FGF14: variants seen among roughly 807,000 people sequenced by gnomAD.
FGF14 encodes the protein fibroblast growth factor homologous factor 4.
In FGF14, 5 loss-of-function variants were observed where a neutral mutation model predicts 25.5. The ratio of observed to expected loss-of-function variants is 0.20; its 90% CI spans 0.10 to 0.41. The LOEUF is 0.41. Ranked by LOEUF, FGF14 falls within the 10% of genes least tolerant of loss-of-function variation. FGF14 has a pLI of 1.00. For synonymous variants in FGF14, 138 were observed against 118.3 expected (o/e 1.17, Z -1.08); for missense variants, 222 against 320.1 (o/e 0.69, Z 2.34).
chr13:102,168,111 C>G (rs1316829613), intron 1 of FGF14, among the ~76,000 whole-genome samples: 1 of 152,150 alleles, frequency 6.6e-6, no homozygotes, highest in Non-Finnish European at 1.5e-5. Flanking sequence ...ATTCCTTAAA[C>G]CTTCACTACT....
At chr13:102,256,843 T>C (rs898360615) in intron 1 of FGF14, among the ~76,000 whole-genome samples, 1 of 152,246 alleles carries the variant, frequency 6.6e-6, no homozygotes, top group Admixed American at 6.5e-5. Context: ...TTATATGTTA[T>C]GCAATATCAG....
rs570186617 is a variant in FGF14 at position 101,726,362 on chromosome 13, G to C, written c.607+250C>G. 3.3e-5 allele frequency among the ~76,000 whole-genome samples: 5 copies of C among 152,034 alleles called. No individual in the cohort carries two copies. The East Asian group carries it at 9.7e-4, about 29-fold the overall frequency. On this transcript the variant is annotated intron_variant, in intron 4 of 4. Transcript: ENST00000376143. ...AGAGTGGTTGTAGCAGTGAGGATTT[G>C]AGCCTTTGGAGGTGGCAGAGAAGAA...
At chr13:101,882,502 T>C (rs1241692278) in intron 1 of FGF14, among the ~76,000 whole-genome samples, 1 of 151,720 alleles carries the variant, frequency 6.6e-6, no homozygotes, top group Non-Finnish European at 1.5e-5. Flanking sequence ...TTCAGATAAA[T>C]AGTAGAGCAG....
chr13:101,715,503 C>A lies in FGF14; in HGVS notation c.*7328G>T. 1 of 1,095,888 alleles carries A rather than the reference C, an allele frequency of 9.1e-7. No individual in the cohort carries two copies. Among genetic ancestry groups the A allele is most frequent in the South Asian group, 1.3e-5 (1 of 79,710 alleles). The allele number at this position is 1,095,888 out of a possible 1,614,324, so 67.9% of individuals were successfully genotyped here. On this transcript the variant is annotated 3_prime_UTR_variant, in exon 5 of 5. Coordinates refer to ENST00000376143, the MANE Select transcript of FGF14 (RefSeq NM_004115.4). ...TGTGGACACTTGTGATTTATAATAG[C>A]ATGTTTAAATTTGGCACATTTTGAT...
chr13:101,865,498 A>G (rs1301199416), intron 3 of FGF14, among the ~76,000 whole-genome samples: 6 of 152,094 alleles, frequency 3.9e-5, no homozygotes, highest in African/African-American at 1.4e-4. Context: ...ATCAAGTACC[A>G]TATTGCAATC....
In FGF14 at chr13:101,940,457, C is replaced by T. The variant is rs2035374905; in HGVS notation, c.209-65161G>A. 1.3e-5 allele frequency among the ~76,000 whole-genome samples: 2 copies of T among 152,176 alleles called. 1 individual carries two copies. Among genetic ancestry groups the T allele is most frequent in the Non-Finnish European group, 2.9e-5 (2 of 68,038 alleles). On this transcript the variant is annotated intron_variant, in intron 1 of 4. Transcript: ENST00000376131. ...GAAAGAGTACAGGCAGAGAGGGTGG[C>T]CTACTTTCCATTCTTCAAACATGAA...
At chr13:101,844,928 C>T (rs570247373) in intron 3 of FGF14, among the ~76,000 whole-genome samples, 32 of 152,054 alleles carry the variant, frequency 2.1e-4, no homozygotes, top group African/African-American at 6.5e-4. Flanking sequence ...TTTACAGGGA[C>T]GGGTTTAAGT....
At chr13:101,772,373 C>T (rs1341872526) in intron 3 of FGF14, among the ~76,000 whole-genome samples, 1 of 151,928 alleles carries the variant, frequency 6.6e-6, no homozygotes, top group Admixed American at 6.6e-5. Flanking sequence ...TTGCAACATG[C>T]CTTTACATAG....
At chr13:101,985,612 TAA>T (rs776788032) in intron 1 of FGF14, among the ~76,000 whole-genome samples, 104 of 152,194 alleles carry the variant, frequency 6.8e-4, no homozygotes, top group African/African-American at 1.6e-3. Flanking sequence ...TTCTTTGTTG[TAA>T]AAAAGAGTCT....
In FGF14 at chr13:102,124,018, T is replaced by C. The variant is rs2045846230; in HGVS notation, c.209-248722A>G. On this transcript the variant is annotated intron_variant, in intron 1 of 4. Transcript: ENST00000376131. Reference sequence around the variant, plus strand: ...TAAAAGATTTTCTCCAGCCTTACTCTCCAACATCCAGAGTAACAACAGAAC... The same window carrying C: ...TAAAAGATTTTCTCCAGCCTTACTCCCCAACATCCAGAGTAACAACAGAAC... Among the ~76,000 whole-genome samples the C allele has an allele frequency of 4.6e-5, 7 of 152,028 alleles. No individual in the cohort carries two copies. In the South Asian group the frequency reaches 1.5e-3, roughly 32 times the overall value.
chr13:102,305,021 C>G (rs1566921525), intron 1 of FGF14, among the ~76,000 whole-genome samples: 1 of 152,134 alleles, frequency 6.6e-6, no homozygotes, highest in Non-Finnish European at 1.5e-5. Context: ...ATAACTAAAA[C>G]AGTGTGCATA....
rs1324444043 is a variant in FGF14, at chr13:101,788,901, TATATATATAGAGAGAGAGAGAGAGAG to T, written c.409-62117_409-62092del. Reference sequence around the variant, plus strand: ...ATATATATATATATATATATATATATATATATATAGAGAGAGAGAGAGAGAGAGAGAGAGAGAGAGAGAGAGACAGA... The same window carrying T: ...ATATATATATATATATATATATATATAGAGAGAGAGAGAGAGAGAGACAGA... On this transcript the variant is annotated intron_variant, in intron 3 of 4. Coordinates refer to ENST00000376143, the MANE Select transcript of FGF14 (RefSeq NM_004115.4). Among the ~76,000 whole-genome samples the T allele has an allele frequency of 3.4e-4, 14 of 41,350 alleles. No individual in the cohort carries two copies. In the Admixed American group the frequency reaches 4.8e-3, roughly 14 times the overall value. 27.1% of individuals were successfully genotyped at this position (41,350 alleles called of 152,430 possible).
At chr13:102,348,293 G>A (rs1344264946) in intron 1 of FGF14, among the ~76,000 whole-genome samples, 1 of 152,098 alleles carries the variant, frequency 6.6e-6, no homozygotes, top group Non-Finnish European at 1.5e-5. Context: ...TAGCCTTAAG[G>A]AACCAGTTTC....
chr13:102,039,976 T>TA (rs5806264), intron 1 of FGF14, among the ~76,000 whole-genome samples: 51,985 of 149,554 alleles, frequency 0.35, 9,461 homozygotes, highest in East Asian at 0.72. Flanking sequence ...GTTTACATGT[T>TA]AAAAAAAAAA....
At chr13:102,227,373 T>G (rs1484970017) in intron 1 of FGF14, among the ~76,000 whole-genome samples, 1 of 152,148 alleles carries the variant, frequency 6.6e-6, no homozygotes, top group Non-Finnish European at 1.5e-5. Context: ...TCTCTTCCAG[T>G]CAAAATTAAT....
chr13:101,863,274 C>G (rs970612627), intron 3 of FGF14, among the ~76,000 whole-genome samples: 1 of 152,082 alleles, frequency 6.6e-6, no homozygotes, highest in Non-Finnish European at 1.5e-5. Context: ...ACTAGATGAA[C>G]TTGGTATAGC....
In FGF14 at chr13:101,786,718, G is replaced by T. The variant is rs1001282514; in HGVS notation, c.409-59908C>A. Among the ~76,000 whole-genome samples the T allele has an allele frequency of 8.5e-5, 13 of 152,204 alleles. No homozygotes were observed. In the South Asian group the frequency reaches 2.7e-3, roughly 32 times the overall value. On this transcript the variant is annotated intron_variant, in intron 3 of 4. Coordinates refer to ENST00000376143, the MANE Select transcript of FGF14 (RefSeq NM_004115.4). Reference sequence around the variant, plus strand: ...CAAAGGCAATCATATTGGGGGTTAGGACTCCAACATACCCTCAAAAATTTG... The same window carrying T: ...CAAAGGCAATCATATTGGGGGTTAGTACTCCAACATACCCTCAAAAATTTG...
intron 1 of FGF14, among the ~76,000 whole-genome samples, chr13:102,330,167 C>T (rs1661897257): frequency 6.6e-6 from 1 of 152,130 alleles, no homozygotes; most frequent in Non-Finnish European, 1.5e-5. Context: ...TTCAGCAGAG[C>T]CTCCCTGTCT....
At chr13:101,950,858 A>T (rs1313352846) in intron 1 of FGF14, among the ~76,000 whole-genome samples, 1 of 134,754 alleles carries the variant, frequency 7.4e-6, no homozygotes, top group Non-Finnish European at 1.7e-5. Context: ...AAATTAAAAA[A>T]TGGCAAGATA....
Sources: allele counts gnomAD v4.1 joint callset (sites outside exome capture counted in the v4.1 genomes callset), GRCh38; gene constraint gnomAD v4.1.1; transcripts MANE v1.5; gene names NCBI Gene and HGNC (gene_info 2026-07-23, HGNC 2026-07-21).